ARB2A: variants seen among roughly 807,000 people sequenced by gnomAD.
ARB2A encodes ARB2 cotranscriptional regulator A.
At chr5:93,921,294 C>T in the ARB2A span, among the ~76,000 whole-genome samples, 1 of 151,686 alleles carries the variant, frequency 6.6e-6, no homozygotes, top group African/African-American at 2.4e-5. Context: ...TGCAGGATTG[C>T]TATAAGAAAG....
chr5:93,765,406 C>A, the ARB2A span, among the ~76,000 whole-genome samples: 2 of 152,114 alleles, frequency 1.3e-5, no homozygotes, highest in Non-Finnish European at 2.9e-5. Context: ...CAATAACAGA[C>A]AAACAGAGAG....
the ARB2A span, among the ~76,000 whole-genome samples, chr5:93,719,000 C>A: frequency 1.3e-5 from 2 of 152,178 alleles, no homozygotes; most frequent in Admixed American, 6.5e-5. Context: ...ACTGACAGCT[C>A]TCTCTTGGAT....
the ARB2A span, among the ~76,000 whole-genome samples, chr5:93,965,698 A>G: frequency 6.6e-6 from 1 of 152,060 alleles, no homozygotes; most frequent in African/African-American, 2.4e-5. Context: ...AATACCTCAG[A>G]GAATAATTTT....
At chr5:93,682,318 T>C in the ARB2A span, among the ~76,000 whole-genome samples, 1 of 151,806 alleles carries the variant, frequency 6.6e-6, no homozygotes, top group Non-Finnish European at 1.5e-5. Flanking sequence ...GGCTTACTAA[T>C]ATTTGTCATT....
the ARB2A span, chr5:93,865,393 T>C: frequency 1.0e-6 from 1 of 985,390 alleles, no homozygotes; most frequent in South Asian, 4.7e-5. Flanking sequence ...CCTGGATAAT[T>C]TCATGTGAGT....
chr5:93,951,396 C>A, the ARB2A span, among the ~76,000 whole-genome samples: 1 of 152,148 alleles, frequency 6.6e-6, no homozygotes, highest in African/African-American at 2.4e-5. Context: ...ATCAAGAAAT[C>A]TTTTCCCAGT....
chr5:93,800,970 TAC>T, the ARB2A span, among the ~76,000 whole-genome samples: 16 of 152,294 alleles, frequency 1.1e-4, no homozygotes, highest in African/African-American at 3.8e-4. Context: ...TGTGAAAAAT[TAC>T]AAATAGGATC....
chr5:93,725,663 T>C, the ARB2A span, among the ~76,000 whole-genome samples: 1 of 152,080 alleles, frequency 6.6e-6, no homozygotes, highest in Admixed American at 6.6e-5. Context: ...TATTACAATC[T>C]ACTGTTACTT....
the ARB2A span, among the ~76,000 whole-genome samples, chr5:93,802,634 T>C: frequency 6.6e-6 from 1 of 152,084 alleles, no homozygotes; most frequent in Non-Finnish European, 1.5e-5. Flanking sequence ...AATTATGCTT[T>C]TATAAAAAGA....
chr5:94,005,132 T>C, the ARB2A span, among the ~76,000 whole-genome samples: 8 of 149,108 alleles, frequency 5.4e-5, no homozygotes, highest in Non-Finnish European at 1.2e-4. Context: ...AGGCAGAGTA[T>C]CATCTTGTTT....
the ARB2A span, among the ~76,000 whole-genome samples, chr5:93,773,430 G>T: frequency 3.3e-5 from 5 of 152,272 alleles, no homozygotes; most frequent in East Asian, 9.7e-4. Context: ...CAGAGTACCT[G>T]TAAGTAGTTT....
At chr5:93,679,568 ATTTTCTTAT>A in the ARB2A span, among the ~76,000 whole-genome samples, 1 of 152,124 alleles carries the variant, frequency 6.6e-6, no homozygotes, top group Non-Finnish European at 1.5e-5. Flanking sequence ...CTCTAAAGGC[ATTTTCTTAT>A]GCAGTAACAC....
the ARB2A span, among the ~76,000 whole-genome samples, chr5:94,059,969 T>A: frequency 7.2e-5 from 11 of 152,186 alleles, no homozygotes; most frequent in African/African-American, 2.7e-4. Context: ...AAGAAAATTA[T>A]ATGACTAAAT....
At chr5:93,659,023 T>C in the ARB2A span, among the ~76,000 whole-genome samples, 3 of 152,050 alleles carry the variant, frequency 2.0e-5, no homozygotes, top group Non-Finnish European at 2.9e-5. Context: ...TCTTGAAGTT[T>C]TATTTTGAAG....
At chr5:93,821,659 C>G in the ARB2A span, among the ~76,000 whole-genome samples, 1 of 151,786 alleles carries the variant, frequency 6.6e-6, no homozygotes, top group African/African-American at 2.4e-5. Flanking sequence ...AGCAAAGGAT[C>G]TAAAAACATT....
At chr5:94,066,463 C>CAA in the ARB2A span, among the ~76,000 whole-genome samples, 3 of 146,134 alleles carry the variant, frequency 2.1e-5, no homozygotes, top group East Asian at 5.9e-4. Flanking sequence ...CACACACACA[C>CAA]ACATAAAAAC....
At chr5:93,866,252 G>A in the ARB2A span, 1 of 984,448 alleles carries the variant, frequency 1.0e-6, no homozygotes. Context: ...AACATTAGAA[G>A]TGAATGAAGT....
chr5:93,622,609 C>A, the ARB2A span, among the ~76,000 whole-genome samples: 2 of 152,194 alleles, frequency 1.3e-5, no homozygotes, highest in Non-Finnish European at 2.9e-5. Context: ...AGTGCCCTCC[C>A]AAGGATTCTC....
chr5:93,987,301 A>T, the ARB2A span, among the ~76,000 whole-genome samples: 576 of 152,312 alleles, frequency 3.8e-3, 3 homozygotes, highest in Non-Finnish European at 6.0e-3. Context: ...AGAAAGAAAG[A>T]AACATAAAAG....
Sources: allele counts gnomAD v4.1 joint callset (sites outside exome capture counted in the v4.1 genomes callset), GRCh38; gene constraint gnomAD v4.1.1; transcripts MANE v1.5; gene names NCBI Gene and HGNC (gene_info 2026-07-23, HGNC 2026-07-21).